The following CDH11 variants were observed in gnomAD, a reference collection of about 807,000 sequenced individuals.
The protein encoded by CDH11 is cadherin-11.
In CDH11, 11 loss-of-function variants were observed where a neutral mutation model predicts 67.8. The ratio of observed to expected loss-of-function variants is 0.16; its 90% CI spans 0.10 to 0.27. The LOEUF (loss-of-function observed/expected upper bound fraction) is 0.27. Ranked by LOEUF, CDH11 falls within the 10% of genes least tolerant of loss-of-function variation. The probability of loss-of-function intolerance (pLI) is 1.00; values close to 1 mark genes in which losing one functional copy is unlikely to be tolerated. For missense variants in CDH11, 847 were observed against 1,031.2 expected (o/e 0.82, Z 2.45); for synonymous variants, 419 against 400.0 (o/e 1.05, Z -0.57).
Position 64,992,966 on chromosome 16 carries a change from C to T in CDH11, c.592G>A (p.Val198Met), listed in dbSNP as rs150368545. Residue 198 changes from valine to methionine, a missense_variant, in exon 5 of 13, where the codon GTG becomes ATG. Transcript: ENST00000268603. ...GGTTGTCCTTCGAGGATACTGTACA[C>T]TAACTTGGCGCTATTTCCATAAGTG... is the stretch of plus-strand genomic sequence containing the variant. ...DPTYGNSAKLVYSILEGQPYF... is the reference protein window; with the variant it reads ...DPTYGNSAKLMYSILEGQPYF... 4.5e-5 allele frequency: 73 copies of T among 1,612,140 alleles called. No individual in the cohort carries two copies. Among genetic ancestry groups the T allele is most frequent in the Non-Finnish European group, 6.2e-5 (73 of 1,178,370 alleles).
intron 1 of CDH11, among the ~76,000 whole-genome samples, chr16:65,058,135 T>A (rs910083298): frequency 3.9e-5 from 6 of 151,974 alleles, no homozygotes; most frequent in African/African-American, 1.4e-4. Flanking sequence ...GACTTGAGGA[T>A]CGTTTGAGCC....
At chr16:64,979,073 C>T (rs1300283496) in intron 8 of CDH11, among the ~76,000 whole-genome samples, 1 of 152,112 alleles carries the variant, frequency 6.6e-6, no homozygotes, top group African/African-American at 2.4e-5. Context: ...AGTAAAAAGA[C>T]AAATAATCCA....
At chr16:64,987,501 G>C (rs1162723249) in intron 7 of CDH11, 4 of 152,184 alleles carry the variant, frequency 2.6e-5, no homozygotes, top group African/African-American at 9.7e-5. Flanking sequence ...AATGATGTTT[G>C]TAAGAGGATG....
intron 1 of CDH11, among the ~76,000 whole-genome samples, chr16:65,116,752 G>GGAGA (rs1414468814): frequency 1.4e-5 from 2 of 143,358 alleles, no homozygotes; most frequent in African/African-American, 4.9e-5. Flanking sequence ...GGCTTAATAA[G>GGAGA]GATAGAGAGA....
At position 64,947,075 on chromosome 16, in the gene CDH11, A is replaced by G; in HGVS notation, c.*528T>C. ...ATTTACAAGAATCAGCAGTAACAAG[A>G]TTGATGCTCAAGAGACATAATTGTA... On this transcript the variant is annotated 3_prime_UTR_variant, in exon 13 of 13. Coordinates refer to ENST00000268603, the MANE Select transcript of CDH11 (RefSeq NM_001797.4). 1.9e-6 allele frequency: 2 copies of G among 1,033,418 alleles called. No individual in the cohort carries two copies. Among genetic ancestry groups the G allele is most frequent in the Non-Finnish European group, 2.3e-6 (2 of 858,488 alleles). The allele number at this position is 1,033,418 out of a possible 1,614,324, so 64.0% of individuals were successfully genotyped here.
intron 1 of CDH11, among the ~76,000 whole-genome samples, chr16:65,064,387 T>C (rs1007206161): frequency 6.6e-6 from 1 of 152,236 alleles, no homozygotes; most frequent in Non-Finnish European, 1.5e-5. Flanking sequence ...CACATCACGC[T>C]ATTGTTTCTG....
intron 2 of CDH11, among the ~76,000 whole-genome samples, chr16:65,031,063 T>A (rs1038465921): frequency 6.6e-6 from 1 of 152,334 alleles, no homozygotes; most frequent in South Asian, 2.1e-4. Context: ...TCCTCTGAGT[T>A]GATACAGTTC....
At chr16:65,050,471 G>T (rs1012173826) in intron 2 of CDH11, among the ~76,000 whole-genome samples, 1 of 152,186 alleles carries the variant, frequency 6.6e-6, no homozygotes, top group Non-Finnish European at 1.5e-5. Flanking sequence ...ATAGGTGCCT[G>T]TTCAAGAAAG....
At chr16:64,959,366 G>T (rs2071609481) in intron 11 of CDH11, among the ~76,000 whole-genome samples, 1 of 152,096 alleles carries the variant, frequency 6.6e-6, no homozygotes. Flanking sequence ...TGTTGGTAGG[G>T]TAAATGGAGA....
At chr16:65,072,012 G>A (rs908847026) in intron 1 of CDH11, 1 of 152,266 alleles carries the variant, frequency 6.6e-6, no homozygotes, top group African/African-American at 2.4e-5. Context: ...GGCAGATGGA[G>A]AGGCCAGGCT....
At chr16:65,024,033 G>A (rs2073483606) in intron 2 of CDH11, among the ~76,000 whole-genome samples, 1 of 152,184 alleles carries the variant, frequency 6.6e-6, no homozygotes, top group African/African-American at 2.4e-5. Flanking sequence ...AGTCACTCTG[G>A]TTGGAATGCC....
At chr16:64,995,517 T>A (rs2072741450) in intron 4 of CDH11, among the ~76,000 whole-genome samples, 1 of 152,202 alleles carries the variant, frequency 6.6e-6, no homozygotes, top group African/African-American at 2.4e-5. Context: ...CAATAAATAA[T>A]GCTGGGATAG....
chr16:65,076,327 G>A (rs1242849873), intron 1 of CDH11, among the ~76,000 whole-genome samples: 1 of 151,860 alleles, frequency 6.6e-6, no homozygotes. Flanking sequence ...TCTTTTACAG[G>A]GTGATGCCGA....
chr16:65,057,813 T>C (rs1162903411), intron 1 of CDH11, among the ~76,000 whole-genome samples: 1 of 152,204 alleles, frequency 6.6e-6, no homozygotes, highest in Admixed American at 6.5e-5. Flanking sequence ...GTAGCATAAC[T>C]GGGCTGGATC....
Position 65,121,002 on chromosome 16 carries a change from C to G in CDH11, c.-298+878G>C, listed in dbSNP as rs907446452. ...TCCCGGCTCGCGTTCCGGGGCAGAG[C>G]GCAGGGAGGGAGGCCGTGCGTGCCG... On this transcript the variant is annotated intron_variant, in intron 1 of 12. Transcript: ENST00000268603. This position sits in a 1 kb window ranked among gnomAD's most constrained non-coding sequence, Gnocchi z 4.1. Among the ~76,000 whole-genome samples the G allele has an allele frequency of 3.3e-5, 5 of 152,212 alleles. No homozygotes were observed. The highest frequency in any genetic ancestry group is 6.5e-5 in the Admixed American group (1 of 15,288).
At chr16:65,021,413 T>C (rs1387205862) in intron 2 of CDH11, among the ~76,000 whole-genome samples, 2 of 152,064 alleles carry the variant, frequency 1.3e-5, no homozygotes, top group African/African-American at 4.8e-5. Flanking sequence ...GAAATTACCT[T>C]ACATCCTCTC....
At chr16:65,048,351 G>GA (rs1334163856) in intron 2 of CDH11, among the ~76,000 whole-genome samples, 4 of 152,132 alleles carry the variant, frequency 2.6e-5, no homozygotes, top group African/African-American at 9.7e-5. Context: ...TCAAAGAACT[G>GA]AAAATAGGGC....
chr16:65,064,698 G>C (rs1449201934), intron 1 of CDH11, among the ~76,000 whole-genome samples: 1 of 152,186 alleles, frequency 6.6e-6, no homozygotes, highest in Non-Finnish European at 1.5e-5. Flanking sequence ...CCTTTTAATT[G>C]TATCTGTTTT....
chr16:65,086,909 C>CA (rs1211506457), intron 1 of CDH11, among the ~76,000 whole-genome samples: 1 of 152,092 alleles, frequency 6.6e-6, no homozygotes, highest in Non-Finnish European at 1.5e-5. Flanking sequence ...TTAGATATTC[C>CA]AGAACAGACA....
Sources: gnomAD v4.1 joint callset for allele counts (sites outside exome capture counted in the v4.1 genomes callset) on GRCh38, gnomAD v4.1.1 for gene constraint, Gnocchi (gnomAD v3.1) non-coding constraint, MANE v1.5 for transcripts, NCBI Gene and HGNC (gene_info 2026-07-23, HGNC 2026-07-21) for gene names.